Variants in NXPE4 observed in about 807,000 individuals in gnomAD.
NXPE4 encodes the protein neurexophilin and PC-esterase domain family member 4.
Under a neutral mutation model 33.3 loss-of-function variants are expected in NXPE4, and 42 were observed. That is an observed-to-expected ratio of 1.26 (90% CI 0.98 to 1.63). The LOEUF (loss-of-function observed/expected upper bound fraction) is 1.63, where lower values mean the gene tolerates loss of function less well. Among genes scored for constraint, NXPE4 ranks in the 40% most tolerant of loss-of-function variants. NXPE4 has a pLI of 0.00. For synonymous variants in NXPE4, 253 were observed against 234.9 expected, an observed-to-expected ratio of 1.08 and a Z score of -0.71; for missense variants, 709 against 647.6, an observed-to-expected ratio of 1.09 and a Z score of -1.03.
the NXPE4 span, among the ~76,000 whole-genome samples, chr11:114,649,515 A>C: frequency 6.6e-6 from 1 of 152,256 alleles, no homozygotes; most frequent in Non-Finnish European, 1.5e-5. Flanking sequence ...CACTTGATTG[A>C]AATTGCCAGA....
chr11:114,645,006 TA>T, the NXPE4 span, among the ~76,000 whole-genome samples: 503 of 145,024 alleles, frequency 3.5e-3, 2 homozygotes, highest in African/African-American at 9.3e-3. Flanking sequence ...TTCACACTAT[TA>T]AAAAAAAAAA....
chr11:114,627,665 A>AC, the NXPE4 span, among the ~76,000 whole-genome samples: 1 of 151,876 alleles, frequency 6.6e-6, no homozygotes, highest in Non-Finnish European at 1.5e-5. Flanking sequence ...ATTCACACAT[A>AC]ACAATATTAA....
At chr11:114,611,284 A>G in the NXPE4 span, among the ~76,000 whole-genome samples, 1 of 151,508 alleles carries the variant, frequency 6.6e-6, no homozygotes, top group Non-Finnish European at 1.5e-5. Context: ...CCCTGTCGAT[A>G]ATAAGTGTTG....
At chr11:114,601,111 A>C in the NXPE4 span, among the ~76,000 whole-genome samples, 9 of 151,888 alleles carry the variant, frequency 5.9e-5, no homozygotes, top group African/African-American at 1.4e-4. Flanking sequence ...TATTTAAATA[A>C]CTTTAGGGGC....
chr11:114,648,331 T>A, the NXPE4 span, among the ~76,000 whole-genome samples: 1 of 152,152 alleles, frequency 6.6e-6, no homozygotes, highest in African/African-American at 2.4e-5. Flanking sequence ...GAAGAGCCAA[T>A]GTTTTGGTTC....
upstream of NXPE4, among the ~76,000 whole-genome samples, chr11:114,597,281 C>G (rs1949584428): frequency 6.6e-6 from 1 of 152,094 alleles, no homozygotes; most frequent in Non-Finnish European, 1.5e-5. Flanking sequence ...AGAAGTGGAA[C>G]ATAGCAAACT....
At chr11:114,653,245 A>G in the NXPE4 span, among the ~76,000 whole-genome samples, 1 of 152,214 alleles carries the variant, frequency 6.6e-6, no homozygotes, top group Non-Finnish European at 1.5e-5. Context: ...TGCAAAAGGC[A>G]ATGTAAGCAA....
the NXPE4 span, among the ~76,000 whole-genome samples, chr11:114,638,633 T>C: frequency 6.6e-6 from 1 of 152,080 alleles, no homozygotes; most frequent in Non-Finnish European, 1.5e-5. Context: ...GATGTACAGA[T>C]AGGTTTTTGG....
chr11:114,593,402 G>C (rs1949507519), intron 2 of NXPE4, among the ~76,000 whole-genome samples: 1 of 152,016 alleles, frequency 6.6e-6, no homozygotes, highest in African/African-American at 2.4e-5. Context: ...ATATGCAAAT[G>C]GCAAACAAGT....
chr11:114,629,004 A>G, the NXPE4 span, among the ~76,000 whole-genome samples: 3 of 152,100 alleles, frequency 2.0e-5, no homozygotes, highest in Admixed American at 2.0e-4. Flanking sequence ...GACCAATAAC[A>G]GGCTCTGAAA....
chr11:114,581,804 A>C lies in NXPE4; in HGVS notation c.831-18T>G, dbSNP rs775892676. 6.2e-5 allele frequency: 98 copies of C among 1,577,324 alleles called. No homozygotes were observed. The highest frequency in any genetic ancestry group is 8.2e-5 in the Non-Finnish European group (94 of 1,152,000). ...CATTTGACCTTAAAGACACAAATAC[A>C]GAAATTAATCTGTAGGTGGCCTCAA... On this transcript the variant is annotated intron_variant, in intron 3 of 5. Coordinates refer to ENST00000375478, the MANE Select transcript of NXPE4 (RefSeq NM_001077639.2).
At chr11:114,639,590 G>C in the NXPE4 span, among the ~76,000 whole-genome samples, 1 of 149,678 alleles carries the variant, frequency 6.7e-6, no homozygotes, top group South Asian at 2.1e-4. Context: ...GACTGGAGCT[G>C]TTCCTATTCG....
chr11:114,639,518 G>A, the NXPE4 span, among the ~76,000 whole-genome samples: 5 of 151,226 alleles, frequency 3.3e-5, no homozygotes, highest in African/African-American at 9.7e-5. Context: ...AGATGAACCT[G>A]GTACCTCAGG....
chr11:114,583,248 G>A, intron 2 of NXPE4: 1 of 667,930 alleles, frequency 1.5e-6, no homozygotes, highest in Non-Finnish European at 2.7e-6. Flanking sequence ...CAGGAAGTGA[G>A]CAAGATGGCG....
chr11:114,665,214 G>T, the NXPE4 span, among the ~76,000 whole-genome samples: 1 of 152,010 alleles, frequency 6.6e-6, no homozygotes, highest in African/African-American at 2.4e-5. Flanking sequence ...ATCTATTTAA[G>T]ATAAATTCAA....
intron 5 of NXPE4, among the ~76,000 whole-genome samples, chr11:114,578,247 T>C (rs1949060310): frequency 6.6e-6 from 1 of 152,206 alleles, no homozygotes; most frequent in African/African-American, 2.4e-5. Context: ...AGAGTTATTT[T>C]CTTCACTCTG....
the NXPE4 span, among the ~76,000 whole-genome samples, chr11:114,603,562 G>C: frequency 2.0e-5 from 3 of 151,000 alleles, no homozygotes; most frequent in African/African-American, 4.9e-5. Flanking sequence ...TGGATGATAA[G>C]TATTGCCTCG....
the NXPE4 span, among the ~76,000 whole-genome samples, chr11:114,617,358 C>G: frequency 6.6e-6 from 1 of 151,948 alleles, no homozygotes; most frequent in African/African-American, 2.4e-5. Flanking sequence ...ATAAGTATTA[C>G]GTCATTGGTA....
At position 114,575,364 on chromosome 11, in the gene NXPE4, A is replaced by T. The variant is rs1314802134; in HGVS notation, c.1100-3891T>A. Among the ~76,000 whole-genome samples the T allele has an allele frequency of 3.3e-5, 5 of 152,274 alleles. No individual in the cohort carries two copies. The East Asian group carries it at 9.6e-4, about 29-fold the overall frequency. ...TAAAGCAATCAGACAAAAGGAAGAA[A>T]TAAAGGACATCCGAATTGGTAAAGA... On this transcript the variant is annotated intron_variant, in intron 5 of 5. Coordinates refer to ENST00000375478, the MANE Select transcript of NXPE4 (RefSeq NM_001077639.2).
Sources: gnomAD v4.1 joint callset for allele counts (sites outside exome capture counted in the v4.1 genomes callset) on GRCh38, gnomAD v4.1.1 for gene constraint, MANE v1.5 for transcripts, NCBI Gene and HGNC (gene_info 2026-07-23, HGNC 2026-07-21) for gene names.